GNA12: variants seen among roughly 807,000 people sequenced by gnomAD.
GNA12 encodes the protein guanine nucleotide-binding protein subunit alpha-12.
A neutral mutation model predicts 26.0 loss-of-function variants in GNA12; 9 were observed. That is an observed-to-expected ratio of 0.35 (90% CI 0.21 to 0.60). The LOEUF (loss-of-function observed/expected upper bound fraction) is 0.60. Ranked by LOEUF, GNA12 falls within the 20% of genes least tolerant of loss-of-function variation. The pLI, the probability that GNA12 is intolerant of heterozygous loss-of-function variation, is 0.78. For synonymous variants in GNA12, 264 were observed against 219.6 expected (o/e 1.20, Z -1.79); for missense variants, 405 against 525.8 (o/e 0.77, Z 2.25).
At chr7:2,780,900 A>G (rs1792210637) in intron 2 of GNA12, among the ~76,000 whole-genome samples, 1 of 152,242 alleles carries the variant, frequency 6.6e-6, no homozygotes, top group Non-Finnish European at 1.5e-5. Flanking sequence ...GGAAACACAT[A>G]TCTTAACTTT....
At chr7:2,785,901 A>C (rs1792347142) in intron 2 of GNA12, among the ~76,000 whole-genome samples, 1 of 152,190 alleles carries the variant, frequency 6.6e-6, no homozygotes, top group South Asian at 2.1e-4. Context: ...ACGAAAAATA[A>C]AAAAATAAAT....
At chr7:2,767,121 C>T (rs866487756) in intron 2 of GNA12, among the ~76,000 whole-genome samples, 11 of 152,240 alleles carry the variant, frequency 7.2e-5, no homozygotes, top group Admixed American at 2.0e-4. Flanking sequence ...TAGGAGTCTT[C>T]ATACATTCTG....
chr7:2,791,771 T>C (rs1303929379), intron 2 of GNA12, among the ~76,000 whole-genome samples: 1 of 152,236 alleles, frequency 6.6e-6, no homozygotes, highest in African/African-American at 2.4e-5. Context: ...CAGATGGGTA[T>C]GGTCTTTCAG....
At chr7:2,800,431 C>A (rs760289036) in intron 1 of GNA12, among the ~76,000 whole-genome samples, 24 of 152,122 alleles carry the variant, frequency 1.6e-4, no homozygotes, top group Non-Finnish European at 3.2e-4. Flanking sequence ...GAGGAAAGGG[C>A]GCACAACCAC....
intron 1 of GNA12, among the ~76,000 whole-genome samples, chr7:2,812,054 C>T (rs1373952982): frequency 3.9e-5 from 6 of 152,244 alleles, no homozygotes; most frequent in Admixed American, 6.5e-5. Flanking sequence ...CCGCGTTTCA[C>T]GCGACTCCTC....
At chr7:2,805,534 T>C (rs555905686) in intron 1 of GNA12, among the ~76,000 whole-genome samples, 1 of 152,234 alleles carries the variant, frequency 6.6e-6, no homozygotes, top group East Asian at 1.9e-4. Flanking sequence ...TGTTCTACAC[T>C]GCTGTGAGTA....
intron 1 of GNA12, among the ~76,000 whole-genome samples, chr7:2,813,218 A>G (rs528517870): frequency 5.0e-4 from 76 of 152,356 alleles, no homozygotes; most frequent in African/African-American, 1.7e-3. Context: ...TTCTATAACA[A>G]GAGGTTACAG....
intron 1 of GNA12, among the ~76,000 whole-genome samples, chr7:2,817,473 C>T (rs1009355215): frequency 3.3e-5 from 5 of 152,182 alleles, no homozygotes; most frequent in African/African-American, 1.2e-4. Context: ...CCTCCCTTAC[C>T]CCAGCCACCC....
chr7:2,844,026 G>A lies in GNA12; in HGVS notation c.136C>T (p.Leu46=). 1 of 1,455,458 alleles carries A rather than the reference G, an allele frequency of 6.9e-7. No individual in the cohort carries two copies. The highest frequency in any genetic ancestry group is 9.1e-7 in the Non-Finnish European group (1 of 1,096,946). The allele number at this position is 1,455,458 out of a possible 1,614,324, so 90.2% of individuals were successfully genotyped here. The part of the protein sequence containing the change: ...ARRRSRDIDA[L]LARERRAVRR... ...ACCGCGCGCCGCTCGCGGGCCAGCA[G>A]CGCGTCGATGTCGCGGCTACGCCTC... Residue 46 remains leucine (L), a synonymous_variant, in exon 1 of 4, where the codon CTG becomes TTG. Transcript: ENST00000275364.
chr7:2,800,621 C>A (rs1331302157), intron 1 of GNA12, among the ~76,000 whole-genome samples: 1 of 152,144 alleles, frequency 6.6e-6, no homozygotes, highest in South Asian at 2.1e-4. Context: ...AATGTAAGTT[C>A]CAACGATGTG....
chr7:2,820,942 T>C (rs936810955), intron 1 of GNA12, among the ~76,000 whole-genome samples: 4 of 152,222 alleles, frequency 2.6e-5, no homozygotes, highest in Non-Finnish European at 5.9e-5. Context: ...GATCTCACTA[T>C]GTTGCTCAGG....
chr7:2,843,960 T>C lies in GNA12; in HGVS notation c.202A>G (p.Ser68Gly), dbSNP rs11552939. Reference protein sequence around the residue: ...VKILLLGAGESGKSTFLKQMR... With the variant: ...VKILLLGAGEGGKSTFLKQMR... ...TGCTTGAGGAACGTGGACTTGCCGC[T>C]CTCGCCCGCGCCCAGCAGCAGGATC... Residue 68 changes from serine (S) to glycine (G), a missense_variant, in exon 1 of 4, where the codon AGC (serine) becomes GGC (glycine). Physicochemically the swap from Ser to Gly is moderately conservative, Grantham distance 56. Coordinates refer to ENST00000275364, the MANE Select transcript of GNA12 (RefSeq NM_007353.3). The C allele has an allele frequency of 1.3e-6, 2 of 1,590,046 alleles. No individual in the cohort carries two copies. Among genetic ancestry groups the C allele is most frequent in the Admixed American group, 3.4e-5 (2 of 58,020 alleles).
At chr7:2,834,740 A>G (rs1157375699) in intron 1 of GNA12, among the ~76,000 whole-genome samples, 1 of 152,190 alleles carries the variant, frequency 6.6e-6, no homozygotes, top group East Asian at 1.9e-4. Context: ...CTATGTTTAG[A>G]TACATAAATG....
chr7:2,783,965 G>A (rs1042691773), intron 2 of GNA12, among the ~76,000 whole-genome samples: 3 of 151,992 alleles, frequency 2.0e-5, no homozygotes, highest in African/African-American at 2.4e-5. Context: ...GATTACAGGC[G>A]TAAGCCACCA....
At chr7:2,793,681 G>A (rs1352062554) in intron 2 of GNA12, among the ~76,000 whole-genome samples, 2 of 151,928 alleles carry the variant, frequency 1.3e-5, no homozygotes, top group African/African-American at 2.4e-5. Context: ...CCAGGAGTTC[G>A]AGACCAGCCT....
intron 2 of GNA12, among the ~76,000 whole-genome samples, chr7:2,741,715 G>A (rs138538825): frequency 2.6e-5 from 4 of 152,008 alleles, no homozygotes; most frequent in South Asian, 2.1e-4. Context: ...TTAAAAATCC[G>A]TCATCATTTG....
intron 2 of GNA12, among the ~76,000 whole-genome samples, chr7:2,749,979 G>A (rs572729328): frequency 6.6e-6 from 1 of 152,206 alleles, no homozygotes; most frequent in Non-Finnish European, 1.5e-5. Flanking sequence ...GTGGGGCAGA[G>A]AATGTTTTTA....
At chr7:2,804,878 C>T (rs959639668) in intron 1 of GNA12, among the ~76,000 whole-genome samples, 1 of 150,760 alleles carries the variant, frequency 6.6e-6, no homozygotes, top group East Asian at 1.9e-4. Flanking sequence ...GGACAACTTA[C>T]CGAGACCCTA....
At chr7:2,831,823 A>G (rs1778673134) in intron 1 of GNA12, among the ~76,000 whole-genome samples, 1 of 152,220 alleles carries the variant, frequency 6.6e-6, no homozygotes, top group Admixed American at 6.5e-5. Context: ...AACACACATT[A>G]AAAGTGTTCT....
Sources: allele counts gnomAD v4.1 joint callset (sites outside exome capture counted in the v4.1 genomes callset), GRCh38; gene constraint gnomAD v4.1.1; transcripts MANE v1.5; gene names NCBI Gene and HGNC (gene_info 2026-07-23, HGNC 2026-07-21).